The following NAV2 variants were observed in gnomAD, a reference collection of about 807,000 sequenced individuals.
NAV2 encodes the protein helicase, APC down-regulated 1.
NAV2 carries 54 observed loss-of-function variants against 223.2 expected under a neutral mutation model. That is an observed-to-expected ratio of 0.24 (90% CI 0.19 to 0.30). The LOEUF is 0.30. Ranked by LOEUF, NAV2 falls within the 10% of genes least tolerant of loss-of-function variation. NAV2 has a pLI of 1.00. For missense variants in NAV2, 2,806 were observed against 3,147.5 expected, an observed-to-expected ratio of 0.89 and a Z score of 2.60; for synonymous variants, 1,279 against 1,239.3, an observed-to-expected ratio of 1.03 and a Z score of -0.67.
chr11:19,867,713 A>C (rs1638998124), intron 3 of NAV2, among the ~76,000 whole-genome samples: 1 of 152,226 alleles, frequency 6.6e-6, no homozygotes, highest in African/African-American at 2.4e-5. Context: ...CTTCAAGCTC[A>C]GGGTTGAGTA....
intron 1 of NAV2, among the ~76,000 whole-genome samples, chr11:19,622,042 T>C (rs191343073): frequency 1.6e-4 from 25 of 152,314 alleles, no homozygotes; most frequent in African/African-American, 4.8e-4. Context: ...GCAGGTTGTT[T>C]AGTTTCCATG....
intron 25 of NAV2, among the ~76,000 whole-genome samples, chr11:20,081,783 C>A (rs559489293): frequency 2.6e-5 from 4 of 151,990 alleles, no homozygotes; most frequent in Admixed American, 2.6e-4. Context: ...TAAGAAAACC[C>A]CTGGAACGTA....
rs182664609 is a variant in NAV2 at position 20,007,456 on chromosome 11, T to C, written c.2768+23209T>C. On this transcript the variant is annotated intron_variant, in intron 11 of 37. Transcript: ENST00000349880. Reference sequence around the variant, plus strand: ...AGGACCTTTGAGTGGCCTTGAGGCTTTGCCTCATCTCTCCACATTGATTGG... The same window carrying C: ...AGGACCTTTGAGTGGCCTTGAGGCTCTGCCTCATCTCTCCACATTGATTGG... Among the ~76,000 whole-genome samples, 295 of 152,354 alleles carry C rather than the reference T, an allele frequency of 1.9e-3. 1 individual carries two copies. The highest frequency in any genetic ancestry group is 6.7e-3 in the African/African-American group (280 of 41,592).
At chr11:20,074,003 T>C (rs568215859) in intron 22 of NAV2, among the ~76,000 whole-genome samples, 19 of 152,258 alleles carry the variant, frequency 1.2e-4, no homozygotes, top group Non-Finnish European at 2.5e-4. Flanking sequence ...CTTGCTTCTC[T>C]AGTTCTTTTA....
intron 1 of NAV2, among the ~76,000 whole-genome samples, chr11:19,558,849 C>T (rs2044996297): frequency 1.3e-5 from 2 of 152,124 alleles, no homozygotes; most frequent in African/African-American, 4.8e-5. Flanking sequence ...CATTCAAGTC[C>T]CACACAGGTG....
chr11:19,836,147 C>T (rs1378114145), intron 2 of NAV2, among the ~76,000 whole-genome samples: 3 of 152,156 alleles, frequency 2.0e-5, no homozygotes, highest in African/African-American at 7.2e-5. Context: ...CCGAATGTTT[C>T]CCCTTCTCAA....
At chr11:20,056,425 A>G (rs578257919) in intron 19 of NAV2, 1 of 798,406 alleles carries the variant, frequency 1.3e-6, no homozygotes, top group South Asian at 1.5e-5. Flanking sequence ...TTTCTCAAGC[A>G]CTGGGTTTTT....
At position 20,118,360 on chromosome 11, in the gene NAV2, A is replaced by G. The variant is rs925970251; in HGVS notation, c.*102A>G. 7 of 1,371,662 alleles carry G rather than the reference A, an allele frequency of 5.1e-6. No individual in the cohort carries two copies. Among genetic ancestry groups the G allele is most frequent in the Non-Finnish European group, 7.0e-6 (7 of 996,556 alleles). 85.0% of individuals were successfully genotyped at this position (1,371,662 alleles called of 1,614,324 possible). A position where few individuals can be genotyped will look rare whatever the true frequency, so the allele number is the denominator to read the frequency against. On this transcript the variant is annotated 3_prime_UTR_variant, in exon 38 of 38. Coordinates refer to ENST00000349880, the MANE Select transcript of NAV2 (RefSeq NM_145117.5). ...ACTTCCTGAGCCAGCCCCCAGCCAC[A>G]GCCTTAGAGCTGCGGGAACACCGAG...
At chr11:19,905,066 A>G (rs1227961849) in intron 6 of NAV2, among the ~76,000 whole-genome samples, 1 of 152,182 alleles carries the variant, frequency 6.6e-6, no homozygotes. Flanking sequence ...GTATTCATTC[A>G]TTCCAAAAAT....
intron 6 of NAV2, among the ~76,000 whole-genome samples, chr11:19,903,260 G>T (rs960143872): frequency 6.6e-6 from 1 of 152,206 alleles, no homozygotes; most frequent in African/African-American, 2.4e-5. Flanking sequence ...GGTGGTGAGA[G>T]TGACACATGG....
intron 4 of NAV2, among the ~76,000 whole-genome samples, chr11:19,870,869 G>C (rs1255234630): frequency 4.6e-5 from 7 of 152,154 alleles, no homozygotes; most frequent in Non-Finnish European, 1.5e-5. Flanking sequence ...CGTCTTCTGG[G>C]ATAGAGGTGG....
intron 1 of NAV2, among the ~76,000 whole-genome samples, chr11:19,588,766 A>G (rs1465147560): frequency 6.6e-6 from 1 of 152,240 alleles, no homozygotes; most frequent in Non-Finnish European, 1.5e-5. Flanking sequence ...AATGGTAGCT[A>G]TCTCTAAGAA....
intron 1 of NAV2, among the ~76,000 whole-genome samples, chr11:19,416,468 A>T (rs961735163): frequency 2.6e-5 from 4 of 152,246 alleles, no homozygotes; most frequent in African/African-American, 7.2e-5. Flanking sequence ...ATGGAAAAAC[A>T]TTCCATGCTC....
intron 1 of NAV2, among the ~76,000 whole-genome samples, chr11:19,375,595 G>A (rs879726702): frequency 1.3e-5 from 2 of 152,128 alleles, no homozygotes; most frequent in African/African-American, 4.8e-5. Context: ...GCTGCTTGAG[G>A]GTACAGTTTA....
chr11:19,716,917 C>T (rs1266098678), intron 1 of NAV2, among the ~76,000 whole-genome samples: 1 of 152,122 alleles, frequency 6.6e-6, no homozygotes, highest in Non-Finnish European at 1.5e-5. Context: ...CCCCATTTTA[C>T]ACATATGAAA....
chr11:20,046,625 A>ACACACACACAC, intron 14 of NAV2, among the ~76,000 whole-genome samples: 1 of 50,688 alleles, frequency 2.0e-5, no homozygotes, highest in African/African-American at 5.7e-5. Flanking sequence ...CACACACACA[A>ACACACACACAC]ACCTCTTAAA....
chr11:19,527,767 G>A (rs553946291), intron 1 of NAV2, among the ~76,000 whole-genome samples: 7 of 152,148 alleles, frequency 4.6e-5, no homozygotes, highest in Non-Finnish European at 1.0e-4. Flanking sequence ...CCACACACTT[G>A]GAATGCACTC....
intron 6 of NAV2, among the ~76,000 whole-genome samples, chr11:19,921,133 T>G (rs1259441832): frequency 6.6e-6 from 1 of 152,226 alleles, no homozygotes; most frequent in African/African-American, 2.4e-5. Flanking sequence ...TAGGGCTGTG[T>G]GTGGATCAGT....
intron 1 of NAV2, among the ~76,000 whole-genome samples, chr11:19,482,024 G>A (rs1445445306): frequency 1.3e-5 from 2 of 152,196 alleles, no homozygotes; most frequent in Admixed American, 6.5e-5. Context: ...GACTCAGGTG[G>A]AAGATTCTTA....
Sources: gnomAD v4.1 joint callset for allele counts (sites outside exome capture counted in the v4.1 genomes callset) on GRCh38, gnomAD v4.1.1 for gene constraint, MANE v1.5 for transcripts, NCBI Gene and HGNC (gene_info 2026-07-23, HGNC 2026-07-21) for gene names.